The following ABLIM1 variants were observed in gnomAD, a reference collection of about 807,000 sequenced individuals.
ABLIM1 encodes actin-binding LIM protein 1.
A neutral mutation model predicts 107.0 loss-of-function variants in ABLIM1; 40 were observed. That is an observed-to-expected ratio of 0.37 (90% confidence interval 0.29 to 0.49). The LOEUF is 0.49. Among genes scored for constraint, ABLIM1 ranks in the 20% least tolerant of loss-of-function variants. The probability of loss-of-function intolerance (pLI) is 0.97; values close to 1 mark genes in which losing one functional copy is unlikely to be tolerated. For missense variants in ABLIM1, 857 were observed against 1,008.5 expected (o/e 0.85, Z 2.04); for synonymous variants, 357 against 357.3 (o/e 1.00, Z 0.01).
intron 1 of ABLIM1, among the ~76,000 whole-genome samples, chr10:114,752,475 G>A (rs771119480): frequency 2.0e-5 from 3 of 152,086 alleles, no homozygotes; most frequent in Non-Finnish European, 2.9e-5. Context: ...TTCAGGATGT[G>A]CAGGTTTGTT....
intron 8 of ABLIM1, among the ~76,000 whole-genome samples, chr10:114,476,164 G>A (rs897213908): frequency 3.9e-5 from 6 of 152,186 alleles, no homozygotes; most frequent in African/African-American, 1.4e-4. Context: ...GGAAGTGGCT[G>A]GGAGAAATCA....
At chr10:114,769,776 G>A (rs1197009718), upstream of ABLIM1, among the ~76,000 whole-genome samples, 1 of 152,068 alleles carries the variant, frequency 6.6e-6, no homozygotes. Context: ...ATGATCATGT[G>A]GGAAAGGAAA....
chr10:114,560,588 C>T (rs2069554730), intron 4 of ABLIM1, among the ~76,000 whole-genome samples: 1 of 152,182 alleles, frequency 6.6e-6, no homozygotes, highest in Non-Finnish European at 1.5e-5. Context: ...TAGGCTATGC[C>T]ATATAGCCTC....
intron 1 of ABLIM1, among the ~76,000 whole-genome samples, chr10:114,634,129 C>CTTTTTTTTT (rs745875295): frequency 0.013 from 905 of 68,266 alleles, 95 homozygotes; most frequent in Non-Finnish European, 0.016. Flanking sequence ...CTCAATTTTT[C>CTTTTTTTTT]TTTTTTTTTT....
At chr10:114,575,677 G>T in intron 2 of ABLIM1, 78 bp from the exon 3 acceptor site, 1 of 1,417,208 alleles carries the variant, frequency 7.1e-7, no homozygotes, top group East Asian at 2.3e-5. Context: ...AATACTGACT[G>T]GTTGCTCACC....
intron 1 of ABLIM1, among the ~76,000 whole-genome samples, chr10:114,712,893 G>A (rs76995489): frequency 0.04 from 6,067 of 152,186 alleles, 175 homozygotes; most frequent in African/African-American, 0.063. Flanking sequence ...AATGAAACAC[G>A]CATCTTCATG....
intron 12 of ABLIM1, among the ~76,000 whole-genome samples, chr10:114,463,463 G>A (rs1009813064): frequency 6.6e-6 from 1 of 152,022 alleles, no homozygotes; most frequent in Non-Finnish European, 1.5e-5. Flanking sequence ...TAGCAGGCAC[G>A]TCATTTAGAC....
rs1054334412 is a variant in ABLIM1, at chr10:114,629,931, G to A, written c.245-27970C>T. On this transcript the variant is annotated intron_variant, in intron 1 of 22. Coordinates refer to ENST00000533213, the MANE Select transcript of ABLIM1 (RefSeq NM_002313.7). The surrounding 1 kb of genome is among the most constrained non-coding windows in gnomAD (Gnocchi z 4.0). ...GTCAGTGCAATCAGAAAGCAGTGGT[G>A]TGGACTGGCACAGACCTCAAAATAA... Among the ~76,000 whole-genome samples, 2 of 152,156 alleles carry A rather than the reference G, an allele frequency of 1.3e-5. No individual in the cohort carries two copies. The highest frequency in any genetic ancestry group is 2.9e-5 in the Non-Finnish European group (2 of 68,044).
chr10:114,761,048 T>C (rs2082734129), intron 1 of ABLIM1, among the ~76,000 whole-genome samples: 1 of 152,144 alleles, frequency 6.6e-6, no homozygotes, highest in Non-Finnish European at 1.5e-5. Context: ...GCCAGAAACA[T>C]GGCCCCCATA....
At chr10:114,654,722 G>C (rs1246618156) in intron 1 of ABLIM1, among the ~76,000 whole-genome samples, 1 of 152,182 alleles carries the variant, frequency 6.6e-6, no homozygotes, top group Non-Finnish European at 1.5e-5. Context: ...TCTGGTACCT[G>C]GGATCGCTGG....
At chr10:114,469,998 G>C (rs907295199) in intron 10 of ABLIM1, among the ~76,000 whole-genome samples, 2 of 152,174 alleles carry the variant, frequency 1.3e-5, no homozygotes, top group Non-Finnish European at 2.9e-5. Context: ...CCTGTCTCTA[G>C]GGGGTCTCAG....
intron 1 of ABLIM1, among the ~76,000 whole-genome samples, chr10:114,656,612 A>T (rs938655802): frequency 6.6e-6 from 1 of 152,274 alleles, no homozygotes; most frequent in East Asian, 1.9e-4. Flanking sequence ...AGAAAAAAAA[A>T]CCTTGTATAT....
At chr10:114,457,073 A>G (rs1379021303) in intron 12 of ABLIM1, among the ~76,000 whole-genome samples, 1 of 152,194 alleles carries the variant, frequency 6.6e-6, no homozygotes, top group Non-Finnish European at 1.5e-5. Flanking sequence ...AATTCTGCAG[A>G]ATGTGCTTTT....
intron 13 of ABLIM1, among the ~76,000 whole-genome samples, chr10:114,452,309 T>C (rs372782161): frequency 5.9e-5 from 9 of 152,150 alleles, no homozygotes; most frequent in Non-Finnish European, 1.0e-4. Flanking sequence ...CCTTGGATTA[T>C]GGAACCATTT....
At chr10:114,484,350 T>C (rs2057856110) in intron 8 of ABLIM1, among the ~76,000 whole-genome samples, 1 of 152,206 alleles carries the variant, frequency 6.6e-6, no homozygotes, top group Non-Finnish European at 1.5e-5. Context: ...AGTAGGTGCC[T>C]GTTCTCAGTT....
chr10:114,518,902 A>C (rs2063320276), intron 6 of ABLIM1, among the ~76,000 whole-genome samples: 1 of 152,140 alleles, frequency 6.6e-6, no homozygotes, highest in Non-Finnish European at 1.5e-5. Context: ...TCCTAGAAGC[A>C]GGTGGGAACT....
At chr10:114,777,038 C>T in the ABLIM1 span, among the ~76,000 whole-genome samples, 3 of 152,078 alleles carry the variant, frequency 2.0e-5, no homozygotes, top group Admixed American at 6.6e-5. Flanking sequence ...TTTTCTGCCC[C>T]GTTCTCTATC....
the ABLIM1 span, among the ~76,000 whole-genome samples, chr10:114,786,637 G>A: frequency 1.2e-3 from 186 of 152,292 alleles, 1 homozygote; most frequent in African/African-American, 4.3e-3. Flanking sequence ...AAAGCAGAGG[G>A]GCACTGAAAT....
intron 22 of ABLIM1, 26 bp from the exon 23 acceptor site, chr10:114,436,399 G>T: frequency 1.3e-6 from 2 of 1,507,404 alleles, no homozygotes; most frequent in Non-Finnish European, 1.8e-6. Flanking sequence ...AAAAAAAAGA[G>T]CTGCTGTCAG....
Sources: gnomAD v4.1 joint callset for allele counts (sites outside exome capture counted in the v4.1 genomes callset) on GRCh38, gnomAD v4.1.1 for gene constraint, Gnocchi (gnomAD v3.1) non-coding constraint, MANE v1.5 for transcripts, NCBI Gene and HGNC (gene_info 2026-07-23, HGNC 2026-07-21) for gene names.